The following GAN variants were observed in gnomAD, a reference collection of about 807,000 sequenced individuals.
The protein encoded by GAN is gigaxonin.
In GAN, 48 loss-of-function variants were observed where a neutral mutation model predicts 71.3. The ratio of observed to expected loss-of-function variants is 0.67; its 90% CI spans 0.53 to 0.86. The LOEUF is 0.86. Among genes scored for constraint, GAN ranks in the 40% least tolerant of loss-of-function variants. The probability of loss-of-function intolerance (pLI) is 0.00; values close to 1 mark genes in which losing one functional copy is unlikely to be tolerated. For synonymous variants in GAN, 386 were observed against 276.8 expected, an observed-to-expected ratio of 1.39 and a Z score of -3.92; for missense variants, 928 against 770.1, an observed-to-expected ratio of 1.21 and a Z score of -2.43.
At chr16:81,374,246 G>C (rs79235196) in intron 9 of GAN, among the ~76,000 whole-genome samples, 2,772 of 152,306 alleles carry the variant, frequency 0.018, 93 homozygotes, top group African/African-American at 0.064. Flanking sequence ...GTGCCTTATT[G>C]CTGGTGACAT....
intron 1 of GAN, among the ~76,000 whole-genome samples, chr16:81,329,876 T>A (rs1909514519): frequency 6.6e-6 from 1 of 152,156 alleles, no homozygotes; most frequent in Admixed American, 6.5e-5. Context: ...CCAGACCCAC[T>A]GATACCAAGC....
At chr16:81,332,846 G>A (rs977629769) in intron 1 of GAN, among the ~76,000 whole-genome samples, 1 of 152,158 alleles carries the variant, frequency 6.6e-6, no homozygotes, top group Non-Finnish European at 1.5e-5. Flanking sequence ...CCATGGAAGT[G>A]ATATCATGTC....
At chr16:81,323,956 A>G (rs1446260732) in intron 1 of GAN, among the ~76,000 whole-genome samples, 3 of 152,224 alleles carry the variant, frequency 2.0e-5, no homozygotes, top group Admixed American at 1.3e-4. Context: ...GGAAATAAAC[A>G]TAAAACTAAA....
At chr16:81,339,801 T>C (rs1307141224) in intron 1 of GAN, among the ~76,000 whole-genome samples, 1 of 152,090 alleles carries the variant, frequency 6.6e-6, no homozygotes, top group Admixed American at 6.6e-5. Flanking sequence ...CGGGTGGGAA[T>C]TGGGCAGGCA....
intron 1 of GAN, among the ~76,000 whole-genome samples, chr16:81,339,089 G>A (rs888638313): frequency 6.6e-6 from 1 of 152,114 alleles, no homozygotes. Context: ...GGATTAATTG[G>A]AAATACAAAA....
At chr16:81,347,178 A>G (rs1910145287) in intron 1 of GAN, among the ~76,000 whole-genome samples, 1 of 152,226 alleles carries the variant, frequency 6.6e-6, no homozygotes, top group African/African-American at 2.4e-5. Flanking sequence ...CACTTTTAAT[A>G]AAAGCATCAG....
At chr16:81,315,622 C>G (rs1909010012) in intron 1 of GAN, among the ~76,000 whole-genome samples, 2 of 152,220 alleles carry the variant, frequency 1.3e-5, no homozygotes, top group Middle Eastern at 6.8e-3. Context: ...CCCCAGACGC[C>G]GTCCTGGGCC....
Position 81,343,190 on chromosome 16 carries a change from T to C in GAN, c.168-8393T>C, listed in dbSNP as rs146507407. Reference sequence around the variant, plus strand: ...ACCAGACGGATTCACAGCCGAGTTCTATAAAGAGGAGCTGGTACCATTCCT... The same window carrying C: ...ACCAGACGGATTCACAGCCGAGTTCCATAAAGAGGAGCTGGTACCATTCCT... On this transcript the variant is annotated intron_variant, in intron 1 of 10. Transcript: ENST00000648994. Among the ~76,000 whole-genome samples the C allele has an allele frequency of 1.6e-3, 239 of 152,332 alleles. 1 individual carries two copies. The highest frequency in any genetic ancestry group is 5.6e-3 in the African/African-American group (234 of 41,586).
rs1904359348 is a variant in GAN at position 81,385,008 on chromosome 16, C to T, written c.*7412C>T. ...GATGCCGTGGCCAAAAGAGTTATGC[C>T]CATTTCTAAAAGCCTGGCATATTTG... On this transcript the variant is annotated 3_prime_UTR_variant, in exon 11 of 11. Transcript: ENST00000648994. 1 of 154,206 alleles carries T rather than the reference C, an allele frequency of 6.5e-6. No homozygotes were observed. The highest frequency in any genetic ancestry group is 6.6e-5 in the Admixed American group (1 of 15,232). The allele number at this position is 154,206 out of a possible 1,614,324, so 9.6% of individuals were successfully genotyped here.
At chr16:81,337,833 G>T (rs1334226626) in intron 1 of GAN, among the ~76,000 whole-genome samples, 24 of 152,154 alleles carry the variant, frequency 1.6e-4, no homozygotes, top group Admixed American at 1.2e-3. Context: ...TTGGCCAAAG[G>T]ATGGGTGCTT....
At chr16:81,376,515 G>GTGTGTA (rs1555512690) in intron 9 of GAN, among the ~76,000 whole-genome samples, 1 of 137,700 alleles carries the variant, frequency 7.3e-6, no homozygotes, top group Non-Finnish European at 1.6e-5. Flanking sequence ...GTGTGTATGT[G>GTGTGTA]TGTGTGTATA....
At chr16:81,349,612 C>G (rs938348047) in intron 1 of GAN, among the ~76,000 whole-genome samples, 1 of 152,024 alleles carries the variant, frequency 6.6e-6, no homozygotes, top group Non-Finnish European at 1.5e-5. Context: ...CCACTGCACT[C>G]CAGACTGGGT....
In GAN at chr16:81,319,508, A is replaced by G. The variant is rs149459929; in HGVS notation, c.167+4228A>G. Among the ~76,000 whole-genome samples the G allele has an allele frequency of 6.4e-3, 975 of 152,112 alleles. 6 individuals carry two copies. The highest frequency in any genetic ancestry group is 0.022 in the African/African-American group (923 of 41,488). On this transcript the variant is annotated intron_variant, in intron 1 of 10. Coordinates refer to ENST00000648994, the MANE Select transcript of GAN (RefSeq NM_022041.4). The stretch of plus-strand genomic sequence containing the variant: ...GAAAAGGATTTGAAAATGAACGGCT[A>G]TGTGCTTCTGCAGTGACATTATGGT...
intron 1 of GAN, among the ~76,000 whole-genome samples, chr16:81,322,831 ATCAG>A (rs1909263362): frequency 6.6e-6 from 1 of 152,188 alleles, no homozygotes; most frequent in Non-Finnish European, 1.5e-5. Context: ...GTTTATATTG[ATCAG>A]TCCCTGAATT....
intron 9 of GAN, among the ~76,000 whole-genome samples, chr16:81,367,605 A>G (rs1014704509): frequency 1.3e-5 from 2 of 152,240 alleles, no homozygotes; most frequent in African/African-American, 4.8e-5. Context: ...ATGTTTGTAA[A>G]TAGAATGAAG....
intron 3 of GAN, among the ~76,000 whole-genome samples, chr16:81,355,935 T>C (rs1445946569): frequency 2.6e-5 from 4 of 152,224 alleles, no homozygotes; most frequent in African/African-American, 9.7e-5. Context: ...TGTTCTGCTT[T>C]CCATGTTAGT....
chr16:81,331,781 C>G (rs1038711633), intron 1 of GAN, among the ~76,000 whole-genome samples: 1 of 152,172 alleles, frequency 6.6e-6, no homozygotes, highest in African/African-American at 2.4e-5. Flanking sequence ...ATTTGGGAAG[C>G]AAGAATTACA....
At chr16:81,325,446 G>A (rs1909354178) in intron 1 of GAN, among the ~76,000 whole-genome samples, 1 of 152,234 alleles carries the variant, frequency 6.6e-6, no homozygotes, top group South Asian at 2.1e-4. Context: ...AATAGGAACA[G>A]TGGCTGGGAG....
At chr16:81,374,561 A>G (rs1199006549) in intron 9 of GAN, among the ~76,000 whole-genome samples, 1 of 152,182 alleles carries the variant, frequency 6.6e-6, no homozygotes, top group Non-Finnish European at 1.5e-5. Context: ...CCAATTATTT[A>G]TAGTATATGG....
Sources: allele counts gnomAD v4.1 joint callset (sites outside exome capture counted in the v4.1 genomes callset), GRCh38; gene constraint gnomAD v4.1.1; transcripts MANE v1.5; gene names NCBI Gene and HGNC (gene_info 2026-07-23, HGNC 2026-07-21).